RNF216: variants seen among roughly 807,000 people sequenced by gnomAD.
RNF216 encodes the protein ring finger protein 216.
Under a neutral mutation model 110.8 loss-of-function variants are expected in RNF216, and 72 were observed. The observed-to-expected ratio is 0.65, with a 90% CI of 0.54 to 0.79. RNF216 has a LOEUF of 0.79. Ranked by LOEUF, RNF216 falls within the 30% of genes least tolerant of loss-of-function variation. The pLI, the probability that RNF216 is intolerant of heterozygous loss-of-function variation, is 0.00. For synonymous variants in RNF216, 495 were observed against 407.5 expected (o/e 1.21, Z -2.59); for missense variants, 1,342 against 1,141.2 (o/e 1.18, Z -2.54).
intron 15 of RNF216, among the ~76,000 whole-genome samples, chr7:5,634,484 A>G (rs1186342207): frequency 1.3e-5 from 2 of 152,208 alleles, no homozygotes; most frequent in Non-Finnish European, 2.9e-5. Context: ...TGCTGTCCCC[A>G]GCAACAGGAA....
At chr7:5,657,199 C>A (rs1788801220) in intron 13 of RNF216, among the ~76,000 whole-genome samples, 1 of 152,252 alleles carries the variant, frequency 6.6e-6, no homozygotes. Flanking sequence ...CACTGACATG[C>A]CACAGGGCAT....
At chr7:5,697,036 CCTT>C (rs1791673473) in intron 13 of RNF216, among the ~76,000 whole-genome samples, 1 of 152,000 alleles carries the variant, frequency 6.6e-6, no homozygotes, top group Non-Finnish European at 1.5e-5. Context: ...AATCCACCCT[CCTT>C]GTTTTGTTCT....
rs138517607 is a variant in RNF216, at chr7:5,648,935, G to C, written c.2159+3478C>G. ...GATAATTAGTGGAACTGTGAAGTTG[G>C]TATGAGATATCAAAGACTTAAAATT... On this transcript the variant is annotated intron_variant, in intron 14 of 16. Transcript: ENST00000389902. Among the ~76,000 whole-genome samples the C allele has an allele frequency of 7.1e-3, 1,088 of 152,224 alleles. 7 individuals are homozygous for C. The highest frequency in any genetic ancestry group is 0.012 in the Non-Finnish European group (790 of 67,988).
intron 15 of RNF216, among the ~76,000 whole-genome samples, chr7:5,631,257 C>A (rs1237338623): frequency 3.9e-5 from 6 of 152,176 alleles, no homozygotes; most frequent in Non-Finnish European, 8.8e-5. Context: ...GTGCATGTGC[C>A]ATCCCCTGAA....
intron 4 of RNF216, among the ~76,000 whole-genome samples, 154 bp downstream of exon 4, chr7:5,740,819 A>G (rs1248328480): frequency 6.6e-6 from 1 of 152,056 alleles, no homozygotes; most frequent in East Asian, 1.9e-4. Flanking sequence ...TCATGTCTTC[A>G]GAGTGTCTCT....
chr7:5,715,280 C>CA, intron 10 of RNF216, 90 bp from the exon 11 acceptor site: 1 of 1,343,404 alleles, frequency 7.4e-7, no homozygotes, highest in East Asian at 2.3e-5. Flanking sequence ...TGCCACCCCC[C>CA]ACACAAATTC....
At chr7:5,771,865 C>T (rs1562481289) in intron 1 of RNF216, among the ~76,000 whole-genome samples, 2 of 151,872 alleles carry the variant, frequency 1.3e-5, no homozygotes, top group Admixed American at 6.6e-5. Flanking sequence ...GGCTGAGTAC[C>T]CCGAGGAAAC....
At chr7:5,721,950 C>A (rs1793453080) in intron 8 of RNF216, among the ~76,000 whole-genome samples, 1 of 152,178 alleles carries the variant, frequency 6.6e-6, no homozygotes, top group Non-Finnish European at 1.5e-5. Flanking sequence ...GGAGACAGAG[C>A]CTTGCTCTGC....
intron 15 of RNF216, 78 bp downstream of exon 15, chr7:5,641,076 T>A (rs528844410): frequency 8.6e-7 from 1 of 1,168,566 alleles, no homozygotes; most frequent in Non-Finnish European, 1.2e-6. Flanking sequence ...TTTTGTTACG[T>A]ATATTCAAAA....
intron 13 of RNF216, among the ~76,000 whole-genome samples, chr7:5,701,729 T>G (rs1011721335): frequency 4.6e-5 from 7 of 152,226 alleles, no homozygotes; most frequent in African/African-American, 1.7e-4. Flanking sequence ...CTCACTGTGA[T>G]GCAGCAACAG....
intron 14 of RNF216, among the ~76,000 whole-genome samples, chr7:5,651,683 T>C (rs1788399588): frequency 6.6e-6 from 1 of 151,886 alleles, no homozygotes; most frequent in Non-Finnish European, 1.5e-5. Flanking sequence ...GGAGTCTCGC[T>C]CTGTTGGCAG....
intron 13 of RNF216, among the ~76,000 whole-genome samples, chr7:5,672,152 G>A (rs879865269): frequency 6.6e-6 from 1 of 152,224 alleles, no homozygotes; most frequent in Admixed American, 6.5e-5. Context: ...TGTTGGAGAC[G>A]TTAAGTCCTG....
At chr7:5,679,982 C>T (rs1186479045) in intron 13 of RNF216, among the ~76,000 whole-genome samples, 4 of 152,210 alleles carry the variant, frequency 2.6e-5, no homozygotes, top group Non-Finnish European at 5.9e-5. Flanking sequence ...GAGTCTCTTG[C>T]TGGGATCATT....
intron 10 of RNF216, among the ~76,000 whole-genome samples, chr7:5,715,956 T>G (rs988326533): frequency 6.6e-6 from 1 of 152,088 alleles, no homozygotes; most frequent in African/African-American, 2.4e-5. Flanking sequence ...TTGACCAGGC[T>G]GGTCTCAAAC....
intron 13 of RNF216, among the ~76,000 whole-genome samples, chr7:5,677,894 C>T (rs1236010364): frequency 3.3e-5 from 5 of 152,212 alleles, no homozygotes; most frequent in East Asian, 1.9e-4. Flanking sequence ...TTGCTCTCTT[C>T]CAGGTTCCTG....
intron 9 of RNF216, among the ~76,000 whole-genome samples, chr7:5,719,490 CAGAGACTACA>C: frequency 6.6e-6 from 1 of 152,148 alleles, no homozygotes; most frequent in African/African-American, 2.4e-5. Context: ...AAGATGTTGT[CAGAGACTACA>C]GGGGTCGGGT....
chr7:5,780,552 C>T (rs534935908), intron 1 of RNF216, among the ~76,000 whole-genome samples: 2 of 152,034 alleles, frequency 1.3e-5, no homozygotes, highest in South Asian at 4.1e-4. Context: ...CAAAAATTAG[C>T]TGGACGTGGT....
chr7:5,736,910 G>A (rs1794450583), intron 5 of RNF216, among the ~76,000 whole-genome samples: 1 of 151,432 alleles, frequency 6.6e-6, no homozygotes, highest in African/African-American at 2.4e-5. Context: ...GAAGTGAGGA[G>A]CCCCTCCGCC....
chr7:5,664,733 A>C (rs1043287573), intron 13 of RNF216, among the ~76,000 whole-genome samples: 2 of 152,190 alleles, frequency 1.3e-5, no homozygotes, highest in Non-Finnish European at 2.9e-5. Context: ...TCTCCTCTGC[A>C]CTCCCAGAAA....
Sources: allele counts gnomAD v4.1 joint callset (sites outside exome capture counted in the v4.1 genomes callset), GRCh38; gene constraint gnomAD v4.1.1; transcripts MANE v1.5; gene names NCBI Gene and HGNC (gene_info 2026-07-23, HGNC 2026-07-21).